The following ZNF680 variants were observed in gnomAD, a reference collection of about 807,000 sequenced individuals.
ZNF680 encodes the protein hypothetical protein FLJ90430.
A neutral mutation model predicts 12.1 loss-of-function variants in ZNF680; 6 were observed. The observed-to-expected ratio is 0.49, with a 90% CI of 0.27 to 0.98. The LOEUF (loss-of-function observed/expected upper bound fraction) is 0.98. Ranked by LOEUF, ZNF680 falls within the 50% of genes least tolerant of loss-of-function variation. The pLI is 0.12. For synonymous variants in ZNF680, 170 were observed against 199.3 expected (o/e 0.85, Z 1.24); for missense variants, 561 against 616.3 (o/e 0.91, Z 0.95).
chr7:64,503,839 A>G, the ZNF680 span, among the ~76,000 whole-genome samples: 1 of 152,280 alleles, frequency 6.6e-6, no homozygotes, highest in African/African-American at 2.4e-5. Flanking sequence ...TCCACTCACT[A>G]CTAGTCAATG....
At chr7:64,535,073 G>C (rs563827468) in intron 3 of ZNF680, among the ~76,000 whole-genome samples, 32 of 152,154 alleles carry the variant, frequency 2.1e-4, no homozygotes, top group African/African-American at 7.7e-4. Context: ...CTGCTTACGT[G>C]ATGAGTGCAC....
chr7:64,512,505 C>A, the ZNF680 span, among the ~76,000 whole-genome samples: 4 of 149,448 alleles, frequency 2.7e-5, no homozygotes, highest in African/African-American at 9.8e-5. Flanking sequence ...AACTAAATGA[C>A]TTTTCTCCAC....
chr7:64,526,358 T>G, intron 3 of ZNF680: 1 of 1,279,562 alleles, frequency 7.8e-7, no homozygotes, highest in Non-Finnish European at 1.0e-6. Context: ...AAGGTGACAG[T>G]GTTATGATTC....
chr7:64,523,187 A>T (rs1045436015), intron 3 of ZNF680, among the ~76,000 whole-genome samples: 12 of 152,140 alleles, frequency 7.9e-5, no homozygotes, highest in African/African-American at 1.9e-4. Flanking sequence ...AAAGTCATAG[A>T]AAGTATTATA....
intron 3 of ZNF680, among the ~76,000 whole-genome samples, chr7:64,539,130 C>T (rs374819727): frequency 1.3e-5 from 1 of 77,702 alleles, no homozygotes; most frequent in Non-Finnish European, 2.4e-5. Flanking sequence ...GACTCCATCT[C>T]AAAAAAAAAA....
At position 64,521,993 on chromosome 7, in the gene ZNF680, A is replaced by G. The variant is rs751405849; in HGVS notation, c.761T>C (p.Ile254Thr). ...GKAFNQSSTLIKHKKIHIEEK... is the reference protein window; with the variant it reads ...GKAFNQSSTLTKHKKIHIEEK... ...TTCAATATGAATTTTCTTATGTTTA[A>G]TAAGGGTTGAGGATTGGTTAAAGGC... Residue 254 changes from isoleucine to threonine, a missense_variant, in exon 4 of 4, where the codon ATT becomes ACT. Transcript: ENST00000309683. 5.6e-6 allele frequency: 9 copies of G among 1,611,012 alleles called. No individual in the cohort carries two copies. The South Asian group carries it at 8.8e-5, about 16-fold the overall frequency.
chr7:64,531,141 T>C (rs907544407), intron 3 of ZNF680, among the ~76,000 whole-genome samples: 2 of 152,032 alleles, frequency 1.3e-5, no homozygotes, highest in East Asian at 1.9e-4. Flanking sequence ...TTAACAGATA[T>C]ATACAAAACA....
Position 64,520,400 on chromosome 7 carries a change from T to C in ZNF680, c.*761A>G, listed in dbSNP as rs1308473744. On this transcript the variant is annotated 3_prime_UTR_variant, in exon 4 of 4. Transcript: ENST00000309683. ...GAATCTTCTACTCCTTTTAAAGTTA[T>C]TTACAAATAATCTAACAACTTATAG... is the stretch of plus-strand genomic sequence containing the variant. The C allele has an allele frequency of 6.6e-6, 1 of 151,850 alleles. No homozygotes were observed. 9.4% of individuals were successfully genotyped at this position (151,850 alleles called of 1,614,324 possible).
At chr7:64,562,321 T>C (rs1787792434) in intron 1 of ZNF680, among the ~76,000 whole-genome samples, 1 of 152,112 alleles carries the variant, frequency 6.6e-6, no homozygotes, top group Admixed American at 6.6e-5. Context: ...TAACCAACTA[T>C]AAACTGCCAA....
At chr7:64,523,360 G>A (rs957612902) in intron 3 of ZNF680, among the ~76,000 whole-genome samples, 2 of 151,412 alleles carry the variant, frequency 1.3e-5, no homozygotes, top group Admixed American at 6.6e-5. Flanking sequence ...TAATCCCCAA[G>A]GTACCACAAA....
downstream of ZNF680, among the ~76,000 whole-genome samples, chr7:64,515,049 CACACACACACACACACACACACACAG>C (rs1791320577): frequency 1.8e-5 from 1 of 55,874 alleles, no homozygotes; most frequent in Non-Finnish European, 3.7e-5. Flanking sequence ...GTCACACACA[CACACACACACACACACACACACACAG>C]ACACACCCAC....
chr7:64,519,131 T>C (rs552503281), downstream of ZNF680, among the ~76,000 whole-genome samples: 104 of 151,760 alleles, frequency 6.9e-4, no homozygotes, highest in African/African-American at 2.3e-3. Context: ...AAAAAACTCA[T>C]ATAAACCAGC....
At chr7:64,539,377 A>AAAAAAAAAAAAAAAAT (rs1786375149) in intron 3 of ZNF680, among the ~76,000 whole-genome samples, 1 of 88,922 alleles carries the variant, frequency 1.1e-5, no homozygotes, top group Non-Finnish European at 2.4e-5. Context: ...AAAAAAAAAG[A>AAAAAAAAAAAAAAAAT]AAAGAAAATC....
At chr7:64,511,799 C>T in the ZNF680 span, among the ~76,000 whole-genome samples, 4 of 152,134 alleles carry the variant, frequency 2.6e-5, no homozygotes, top group African/African-American at 9.7e-5. Flanking sequence ...CAGCTCATGC[C>T]TGTAATCCCA....
rs144034596 is a variant in ZNF680, at chr7:64,540,454, G to A, written c.253+3253C>T. ...CAAGTAGCTGGGACTACAGGCACCCGCTACCACACCAGGCTAATTTTTGTA... is the reference window on the plus strand; with the variant it reads ...CAAGTAGCTGGGACTACAGGCACCCACTACCACACCAGGCTAATTTTTGTA... On this transcript the variant is annotated intron_variant, in intron 3 of 3. Coordinates refer to ENST00000309683, the MANE Select transcript of ZNF680 (RefSeq NM_178558.5). Among the ~76,000 whole-genome samples the A allele has an allele frequency of 0.031, 4,667 of 151,882 alleles. 358 individuals are homozygous for A. The East Asian group carries it at 0.33, about 11-fold the overall frequency.
chr7:64,509,032 C>T, the ZNF680 span, among the ~76,000 whole-genome samples: 6 of 152,024 alleles, frequency 3.9e-5, no homozygotes, highest in Admixed American at 1.3e-4. Flanking sequence ...ATGTAAATAC[C>T]CTCCCCCTCT....
At chr7:64,543,348 C>A (rs531856769) in intron 3 of ZNF680, among the ~76,000 whole-genome samples, 1 of 152,064 alleles carries the variant, frequency 6.6e-6, no homozygotes, top group Non-Finnish European at 1.5e-5. Context: ...ACATTTCAGA[C>A]GTGATGTAGA....
In ZNF680 at chr7:64,521,410, G is replaced by T; in HGVS notation, c.1344C>A (p.Thr448=). The change falls in exon 4 of 4, where the codon ACC becomes ACA. Residue 448 remains threonine (T), a synonymous_variant. Transcript: ENST00000309683. The part of the protein sequence containing the change: ...ECGKGFTLFS[T]LTNHKVIHTG... ...TATGAATTACTTTATGGTTAGTAAGGGTTGAAAATAAAGTAAAGCCTTTGC... is the reference window on the plus strand; with the variant it reads ...TATGAATTACTTTATGGTTAGTAAGTGTTGAAAATAAAGTAAAGCCTTTGC... 6.2e-7 allele frequency: 1 copy of T among 1,613,590 alleles called. No homozygotes were observed. Among genetic ancestry groups the T allele is most frequent in the Non-Finnish European group, 8.5e-7 (1 of 1,179,674 alleles).
chr7:64,539,011 AT>A, intron 3 of ZNF680, among the ~76,000 whole-genome samples: 1 of 151,576 alleles, frequency 6.6e-6, no homozygotes, highest in Non-Finnish European at 1.5e-5. Flanking sequence ...GGTGCCTGTA[AT>A]CCCAGCTACT....
Sources: allele counts gnomAD v4.1 joint callset (sites outside exome capture counted in the v4.1 genomes callset), GRCh38; gene constraint gnomAD v4.1.1; transcripts MANE v1.5; gene names NCBI Gene and HGNC (gene_info 2026-07-23, HGNC 2026-07-21).